The following CPNE4 variants were observed in gnomAD, a reference collection of about 807,000 sequenced individuals.
CPNE4 encodes the protein copine-4.
CPNE4 carries 25 observed loss-of-function variants against 67.9 expected under a neutral mutation model. The observed-to-expected ratio is 0.37, with a 90% confidence interval of 0.27 to 0.51. CPNE4 has a LOEUF of 0.51. Among genes scored for constraint, CPNE4 ranks in the 20% least tolerant of loss-of-function variants. The pLI is 0.93. For synonymous variants in CPNE4, 242 were observed against 244.9 expected (o/e 0.99, Z 0.11); for missense variants, 464 against 690.8 (o/e 0.67, Z 3.68).
At chr3:131,552,916 G>A (rs915700444) in intron 12 of CPNE4, among the ~76,000 whole-genome samples, 5 of 152,050 alleles carry the variant, frequency 3.3e-5, no homozygotes, top group Non-Finnish European at 7.4e-5. Flanking sequence ...TGAAGATAGC[G>A]ATGGTTATAA....
chr3:131,556,467 T>C (rs1559891452), intron 11 of CPNE4, among the ~76,000 whole-genome samples: 1 of 152,096 alleles, frequency 6.6e-6, no homozygotes, highest in Admixed American at 6.6e-5. Flanking sequence ...CCCACCACCT[T>C]ATCACATACA....
chr3:131,789,023 C>T (rs2107873660), intron 2 of CPNE4, among the ~76,000 whole-genome samples: 1 of 147,218 alleles, frequency 6.8e-6, no homozygotes, highest in South Asian at 2.2e-4. Context: ...CACACACACA[C>T]ACACACACAC....
chr3:131,631,879 C>A (rs56741596), intron 7 of CPNE4, among the ~76,000 whole-genome samples: 1,549 of 150,694 alleles, frequency 0.01, 30 homozygotes, highest in African/African-American at 0.036. Flanking sequence ...AATTATCCCC[C>A]CTCCCCAACA....
chr3:132,010,064 A>C (rs147893591), intron 1 of CPNE4, among the ~76,000 whole-genome samples: 1 of 152,336 alleles, frequency 6.6e-6, no homozygotes, highest in Non-Finnish European at 1.5e-5. Flanking sequence ...AAGGTAGTAT[A>C]GGGAGGCATG....
chr3:132,026,972 C>T (rs2074128142), intron 1 of CPNE4, among the ~76,000 whole-genome samples: 1 of 152,202 alleles, frequency 6.6e-6, no homozygotes, highest in Non-Finnish European at 1.5e-5. Context: ...AGCTTAAGCC[C>T]TTATCATAAC....
At chr3:131,668,496 C>G (rs1394920082) in intron 7 of CPNE4, among the ~76,000 whole-genome samples, 4 of 152,076 alleles carry the variant, frequency 2.6e-5, no homozygotes, top group Non-Finnish European at 5.9e-5. Flanking sequence ...GTCTCAGTTA[C>G]CCAATTCTGA....
At chr3:132,035,201 G>T, upstream of CPNE4, 1 of 235,842 alleles carries the variant, frequency 4.2e-6, no homozygotes, top group Non-Finnish European at 6.9e-6. Flanking sequence ...GCTCAGCTTT[G>T]TCGCTCAACT....
chr3:131,882,137 TACACACACACACAC>T (rs35615774), intron 2 of CPNE4, among the ~76,000 whole-genome samples: 1 of 150,682 alleles, frequency 6.6e-6, no homozygotes, highest in Non-Finnish European at 1.5e-5. Context: ...TCAGTTCTAA[TACACACACACACAC>T]ACACACACAC....
chr3:131,887,908 G>T (rs974999690), intron 2 of CPNE4, among the ~76,000 whole-genome samples: 2 of 143,124 alleles, frequency 1.4e-5, no homozygotes, highest in African/African-American at 4.9e-5. Flanking sequence ...AAGAAGGAGG[G>T]TCTATGTCCT....
At chr3:131,712,240 G>A (rs1262345452) in intron 3 of CPNE4, among the ~76,000 whole-genome samples, 1 of 152,106 alleles carries the variant, frequency 6.6e-6, no homozygotes, top group Non-Finnish European at 1.5e-5. Flanking sequence ...TCTAATCATA[G>A]ATGTGATATA....
chr3:131,966,997 C>T (rs2887427), intron 1 of CPNE4, among the ~76,000 whole-genome samples: 50,133 of 152,048 alleles, frequency 0.33, 9,261 homozygotes, highest in Non-Finnish European at 0.42. Flanking sequence ...AAGCTGAATC[C>T]AGCAGCACAT....
At chr3:131,999,753 C>T (rs1051638101) in intron 1 of CPNE4, among the ~76,000 whole-genome samples, 1 of 151,880 alleles carries the variant, frequency 6.6e-6, no homozygotes, top group African/African-American at 2.4e-5. Context: ...ATCCTTTAAA[C>T]TTTTCACATT....
chr3:131,671,973 C>G (rs963320963), intron 6 of CPNE4, among the ~76,000 whole-genome samples: 6 of 152,030 alleles, frequency 3.9e-5, no homozygotes, highest in Admixed American at 1.3e-4. Flanking sequence ...CCCTACTACC[C>G]TTCGCAGCCT....
intron 9 of CPNE4, among the ~76,000 whole-genome samples, chr3:131,581,110 T>C (rs1006116985): frequency 6.6e-6 from 1 of 152,036 alleles, no homozygotes; most frequent in African/African-American, 2.4e-5. Flanking sequence ...GTGGCAGAGG[T>C]TGCAGTGAGC....
At chr3:132,016,186 A>G (rs2073886237) in intron 1 of CPNE4, among the ~76,000 whole-genome samples, 1 of 152,152 alleles carries the variant, frequency 6.6e-6, no homozygotes, top group Admixed American at 6.5e-5. Context: ...CCTGGATTGA[A>G]CTCAATCATA....
intron 5 of CPNE4, among the ~76,000 whole-genome samples, chr3:131,687,238 T>C (rs190890232): frequency 6.6e-6 from 1 of 152,318 alleles, no homozygotes; most frequent in East Asian, 1.9e-4. Context: ...ATGGAACCTA[T>C]CTCCATCCCT....
chr3:131,787,677 C>G (rs1054637443), intron 2 of CPNE4, among the ~76,000 whole-genome samples: 1 of 152,174 alleles, frequency 6.6e-6, no homozygotes, highest in Non-Finnish European at 1.5e-5. Flanking sequence ...AATTTCATCA[C>G]TCTTGTGATA....
chr3:131,879,386 C>A (rs552028244), intron 2 of CPNE4, among the ~76,000 whole-genome samples: 10 of 152,274 alleles, frequency 6.6e-5, no homozygotes, highest in Non-Finnish European at 1.2e-4. Context: ...TAAAAGAAGC[C>A]AGCTGATTTA....
rs141273294 is a variant in CPNE4, at chr3:131,648,941, TTTC to T, written c.681+20731_681+20733del. Among the ~76,000 whole-genome samples the T allele has an allele frequency of 5.4e-3, 819 of 152,260 alleles. 8 individuals carry two copies. Among genetic ancestry groups the T allele is most frequent in the African/African-American group, 0.019 (777 of 41,552 alleles). On this transcript the variant is annotated intron_variant, in intron 7 of 15. Coordinates refer to ENST00000429747, the MANE Select transcript of CPNE4 (RefSeq NM_130808.3). ...CTGTCATTCCAGTTCAGCAAAAGTC[TTTC>T]TTATTAGAGGAAAATGGCCTCCAGC...
Sources: allele counts gnomAD v4.1 joint callset (sites outside exome capture counted in the v4.1 genomes callset), GRCh38; gene constraint gnomAD v4.1.1; transcripts MANE v1.5; gene names NCBI Gene and HGNC (gene_info 2026-07-23, HGNC 2026-07-21).